The following SNX18 variants were observed in gnomAD, a reference collection of about 807,000 sequenced individuals.
The protein encoded by SNX18 is sorting nexin-18.
In SNX18, 35 loss-of-function variants were observed where a neutral mutation model predicts 48.7. The observed-to-expected ratio is 0.72, with a 90% confidence interval of 0.55 to 0.95. SNX18 has a LOEUF of 0.95. Ranked by LOEUF, SNX18 falls within the 40% of genes least tolerant of loss-of-function variation. The pLI, the probability that SNX18 is intolerant of heterozygous loss-of-function variation, is 0.00. For missense variants in SNX18, 824 were observed against 871.0 expected (o/e 0.95, Z 0.68); for synonymous variants, 492 against 384.7 (o/e 1.28, Z -3.26).
At chr5:54,561,038 G>A in the SNX18 span, among the ~76,000 whole-genome samples, 1 of 152,184 alleles carries the variant, frequency 6.6e-6, no homozygotes, top group African/African-American at 2.4e-5. Flanking sequence ...CGTCTATTCT[G>A]TGTCCATTTG....
At chr5:54,633,394 CG>C in the SNX18 span, among the ~76,000 whole-genome samples, 1 of 151,976 alleles carries the variant, frequency 6.6e-6, no homozygotes, top group Non-Finnish European at 1.5e-5. Flanking sequence ...TCTTGGTTTC[CG>C]CATTTTAAAA....
the SNX18 span, among the ~76,000 whole-genome samples, chr5:54,609,744 C>T: frequency 1.3e-5 from 2 of 152,106 alleles, no homozygotes; most frequent in African/African-American, 2.4e-5. Context: ...CAATAAATTG[C>T]CATGCCGTGG....
chr5:54,568,290 C>T, the SNX18 span, among the ~76,000 whole-genome samples: 1,448 of 152,294 alleles, frequency 9.5e-3, 17 homozygotes, highest in African/African-American at 0.032. Context: ...TAGTGACACA[C>T]TTTATGGTAG....
At position 54,518,231 on chromosome 5, in the gene SNX18, C is replaced by G. The variant is rs764516078; in HGVS notation, c.279C>G (p.Pro93=). Residue 93 remains proline, a synonymous_variant, in exon 1 of 2, where the codon CCC becomes CCG. Transcript: ENST00000381410. ...GCTTCGAGCCCCTGCCTGTCGCGCC[C>G]CCCGCCTCCTTCAAGCCGCCGCCTG... is the stretch of plus-strand genomic sequence containing the variant. ...PGGFEPLPVA[P]PASFKPPPDA... The G allele has an allele frequency of 1.0e-5, 15 of 1,431,654 alleles. No individual in the cohort carries two copies. Among genetic ancestry groups the G allele is most frequent in the Non-Finnish European group, 1.4e-5 (15 of 1,100,986 alleles). The allele number at this position is 1,431,654 out of a possible 1,614,324, so 88.7% of individuals were successfully genotyped here. A position where few individuals can be genotyped will look rare whatever the true frequency, so the allele number is the denominator to read the frequency against.
the SNX18 span, among the ~76,000 whole-genome samples, chr5:54,606,682 C>T: frequency 9.2e-5 from 14 of 152,184 alleles, no homozygotes; most frequent in East Asian, 1.9e-4. Flanking sequence ...AGAAATCAGA[C>T]GGCTAGATCT....
At chr5:54,550,035 CA>C (rs1762627760), downstream of SNX18, among the ~76,000 whole-genome samples, 1 of 152,156 alleles carries the variant, frequency 6.6e-6, no homozygotes, top group South Asian at 2.1e-4. Flanking sequence ...CAGGATTTAC[CA>C]AATTAAGGTT....
the SNX18 span, among the ~76,000 whole-genome samples, chr5:54,612,605 T>G: frequency 2.0e-5 from 3 of 152,146 alleles, no homozygotes; most frequent in African/African-American, 7.2e-5. Flanking sequence ...GCATACGCAC[T>G]GGGGCTTACG....
chr5:54,582,453 T>C, the SNX18 span, among the ~76,000 whole-genome samples: 113 of 152,282 alleles, frequency 7.4e-4, no homozygotes, highest in South Asian at 2.7e-3. Flanking sequence ...TATCTTTTTC[T>C]TTCCTAAATG....
At chr5:54,560,058 G>A in the SNX18 span, among the ~76,000 whole-genome samples, 3 of 152,178 alleles carry the variant, frequency 2.0e-5, no homozygotes, top group East Asian at 5.8e-4. Context: ...CATTGTGAAA[G>A]ACAGTGTGGC....
At chr5:54,607,990 G>A in the SNX18 span, among the ~76,000 whole-genome samples, 1 of 152,124 alleles carries the variant, frequency 6.6e-6, no homozygotes, top group East Asian at 1.9e-4. Context: ...CATGTGCAGG[G>A]TTTTATGTGA....
At chr5:54,537,438 G>C (rs1762379033) in intron 1 of SNX18, among the ~76,000 whole-genome samples, 1 of 152,146 alleles carries the variant, frequency 6.6e-6, no homozygotes, top group South Asian at 2.1e-4. Flanking sequence ...TAATGAAGCA[G>C]TTTCAGTTTA....
At chr5:54,624,192 A>G in the SNX18 span, among the ~76,000 whole-genome samples, 1 of 152,218 alleles carries the variant, frequency 6.6e-6, no homozygotes, top group African/African-American at 2.4e-5. Context: ...AGTATCAATC[A>G]TATACCACAC....
At chr5:54,624,001 T>C in the SNX18 span, among the ~76,000 whole-genome samples, 1 of 152,216 alleles carries the variant, frequency 6.6e-6, no homozygotes, top group Admixed American at 6.5e-5. Flanking sequence ...CAGTTCATTA[T>C]AAATAAATGT....
At chr5:54,618,489 G>A in the SNX18 span, among the ~76,000 whole-genome samples, 1 of 152,140 alleles carries the variant, frequency 6.6e-6, no homozygotes, top group Non-Finnish European at 1.5e-5. Flanking sequence ...CCACTTTCCA[G>A]TTGTGTCATG....
At chr5:54,548,269 C>T (rs1762605340), downstream of SNX18, among the ~76,000 whole-genome samples, 1 of 148,414 alleles carries the variant, frequency 6.7e-6, no homozygotes, top group African/African-American at 2.6e-5. Flanking sequence ...AGCCACCTGC[C>T]AAGGGAGCTT....
At chr5:54,646,165 CT>C in the SNX18 span, among the ~76,000 whole-genome samples, 2 of 152,110 alleles carry the variant, frequency 1.3e-5, no homozygotes, top group South Asian at 2.1e-4. Context: ...CCCAAGAAGA[CT>C]TTTTTTCTCC....
the SNX18 span, among the ~76,000 whole-genome samples, chr5:54,609,728 A>G: frequency 8.1e-4 from 123 of 152,310 alleles, 1 homozygote; most frequent in African/African-American, 2.8e-3. Flanking sequence ...ACGTGAGCCA[A>G]TATGTCAATA....
rs1762513338 is a variant in SNX18, at chr5:54,543,605, G to A, written c.*173G>A. 2.9e-6 allele frequency: 2 copies of A among 691,704 alleles called. No homozygotes were observed. The highest frequency in any genetic ancestry group is 4.8e-6 in the Non-Finnish European group (2 of 418,432). The allele number at this position is 691,704 out of a possible 1,614,324, so 42.8% of individuals were successfully genotyped here. On this transcript the variant is annotated 3_prime_UTR_variant, in exon 2 of 2. Coordinates refer to ENST00000381410, the MANE Select transcript of SNX18 (RefSeq NM_001102575.2). ...ATGTAGGAAATAAACAGTTAATATG[G>A]TTATATAATAGAAACAGTACCACAC...
At position 54,519,117 on chromosome 5, in the gene SNX18, G is replaced by C. The variant is rs1380704079; in HGVS notation, c.1165G>C (p.Ala389Pro). ...LTCPSSTDEK[A>P]WKQGKRKAEK... The stretch of plus-strand genomic sequence containing the variant: ...GTGCCCCAGCAGCACCGACGAGAAA[G>C]CCTGGAAGCAGGGCAAGAGGAAGGC... Residue 389 changes from alanine to proline, a missense_variant, in exon 1 of 2, where the codon GCC becomes CCC. By Grantham distance (27) the Ala-to-Pro change is conservative. Transcript: ENST00000381410. 1 of 1,614,148 alleles carries C rather than the reference G, an allele frequency of 6.2e-7. No homozygotes were observed. Among genetic ancestry groups the C allele is most frequent in the Non-Finnish European group, 8.5e-7 (1 of 1,180,016 alleles).
Sources: allele counts gnomAD v4.1 joint callset (sites outside exome capture counted in the v4.1 genomes callset), GRCh38; gene constraint gnomAD v4.1.1; transcripts MANE v1.5; gene names NCBI Gene and HGNC (gene_info 2026-07-23, HGNC 2026-07-21).